RAD54B: variants seen among roughly 807,000 people sequenced by gnomAD.
RAD54B encodes RAD54 homolog B.
In RAD54B, 78 loss-of-function variants were observed where a neutral mutation model predicts 95.8. The ratio of observed to expected loss-of-function variants is 0.81; its 90% CI spans 0.68 to 0.98. RAD54B has a LOEUF of 0.98. RAD54B is among the 50% of genes least tolerant of loss of function. The pLI is 0.00. For synonymous variants in RAD54B, 328 were observed against 354.9 expected (o/e 0.92, Z 0.85); for missense variants, 957 against 1,056.6 (o/e 0.91, Z 1.31).
chr8:94,432,317 C>T, intron 3 of RAD54B: 1 of 1,550,310 alleles, frequency 6.5e-7, no homozygotes, highest in Non-Finnish European at 8.7e-7. Context: ...CCTCTTTCAA[C>T]ATTTGCAGGA....
chr8:94,380,465 A>C lies in RAD54B; in HGVS notation c.1986-59T>G. 2.7e-6 allele frequency: 4 copies of C among 1,482,518 alleles called. No individual in the cohort carries two copies. The South Asian group carries it at 5.4e-5, about 20-fold the overall frequency. 91.8% of individuals were successfully genotyped at this position (1,482,518 alleles called of 1,614,324 possible). On this transcript the variant is annotated intron_variant, in intron 11 of 14. Coordinates refer to ENST00000336148, the MANE Select transcript of RAD54B (RefSeq NM_012415.3). ...TTTAAAGGCAGCATTAGATTTTCTT[A>C]GTTGAAAGAAAATACCACAATAATA...
chr8:94,424,829 A>G (rs1479569677), intron 3 of RAD54B, among the ~76,000 whole-genome samples: 1 of 152,156 alleles, frequency 6.6e-6, no homozygotes, highest in Non-Finnish European at 1.5e-5. Context: ...TGCGGGGCCA[A>G]GGTGAGAGAA....
chr8:94,466,421 T>TGG (rs1206747469), intron 2 of RAD54B, among the ~76,000 whole-genome samples: 9 of 150,612 alleles, frequency 6.0e-5, no homozygotes, highest in Admixed American at 6.6e-5. Flanking sequence ...TTTTTTTTTT[T>TGG]GGGGGGGACG....
At chr8:94,436,638 T>C (rs1206693854) in intron 3 of RAD54B, 4 of 1,550,558 alleles carry the variant, frequency 2.6e-6, no homozygotes, top group Non-Finnish European at 3.5e-6. Context: ...GTTTGGCATA[T>C]TCTTTGAGCC....
At chr8:94,435,586 G>T (rs966053420) in intron 3 of RAD54B, among the ~76,000 whole-genome samples, 1 of 152,022 alleles carries the variant, frequency 6.6e-6, no homozygotes, top group African/African-American at 2.4e-5. Context: ...TAAGAATGTA[G>T]CTGCCATTTT....
intron 1 of RAD54B, among the ~76,000 whole-genome samples, chr8:94,472,365 A>G (rs940721880): frequency 2.2e-4 from 33 of 152,238 alleles, no homozygotes; most frequent in African/African-American, 4.1e-4. Flanking sequence ...TAACTGTCAC[A>G]GGACGACATG....
intron 3 of RAD54B, among the ~76,000 whole-genome samples, chr8:94,457,767 T>C (rs899162618): frequency 7.9e-5 from 12 of 152,196 alleles, no homozygotes; most frequent in Non-Finnish European, 1.8e-4. Flanking sequence ...CTCTTACATA[T>C]ACAAAAAGAA....
intron 3 of RAD54B, among the ~76,000 whole-genome samples, chr8:94,425,089 G>A (rs1811911922): frequency 6.9e-6 from 1 of 144,208 alleles, no homozygotes; most frequent in Non-Finnish European, 1.5e-5. Context: ...AAATTCATAA[G>A]GGCATGTTTT....
At chr8:94,449,915 G>A (rs1053462492) in intron 3 of RAD54B, among the ~76,000 whole-genome samples, 4 of 152,078 alleles carry the variant, frequency 2.6e-5, no homozygotes, top group Non-Finnish European at 4.4e-5. Flanking sequence ...ATTAGTTAGG[G>A]GAGAATTATC....
At chr8:94,390,331 C>T (rs1033010256) in intron 10 of RAD54B, among the ~76,000 whole-genome samples, 3 of 151,220 alleles carry the variant, frequency 2.0e-5, no homozygotes, top group African/African-American at 7.3e-5. Flanking sequence ...AAAACCCCGT[C>T]TCTACTAAAA....
At chr8:94,432,779 T>A in intron 3 of RAD54B, 1 of 1,234,638 alleles carries the variant, frequency 8.1e-7, no homozygotes, top group Non-Finnish European at 1.0e-6. Context: ...AGTTACAAAA[T>A]AAAAAAAAAT....
At chr8:94,384,887 G>T (rs147183262) in intron 11 of RAD54B, among the ~76,000 whole-genome samples, 1 of 152,132 alleles carries the variant, frequency 6.6e-6, no homozygotes, top group Non-Finnish European at 1.5e-5. Context: ...CAGATTGCTT[G>T]AACTCAGGAG....
At chr8:94,442,570 G>A (rs545634320) in intron 3 of RAD54B, among the ~76,000 whole-genome samples, 37 of 132,332 alleles carry the variant, frequency 2.8e-4, no homozygotes, top group Middle Eastern at 4.0e-3. Context: ...GCGAGACTCT[G>A]TCTCAGAAAA....
intron 6 of RAD54B, among the ~76,000 whole-genome samples, chr8:94,402,251 CTTTTTT>C (rs145064709): frequency 6.9e-6 from 1 of 143,914 alleles, no homozygotes; most frequent in South Asian, 2.2e-4. Flanking sequence ...TGCTATTTTT[CTTTTTT>C]TTTTTTTTCC....
Position 94,407,736 on chromosome 8 carries a change from G to A in RAD54B, c.500-16C>T. 6.3e-7 allele frequency: 1 copy of A among 1,593,600 alleles called. No individual in the cohort carries two copies. The highest frequency in any genetic ancestry group is 1.4e-5 in the African/African-American group (1 of 73,914). ...TAACCAATGCCTTTAAGTTAAGAAA[G>A]AAAAAAATTAATTGACACTCTATGA... On this transcript the variant is annotated splice_polypyrimidine_tract_variant and intron_variant, in intron 4 of 14. Transcript: ENST00000336148.
intron 2 of RAD54B, among the ~76,000 whole-genome samples, chr8:94,462,296 A>ATACT (rs1224510917): frequency 1.3e-5 from 2 of 152,178 alleles, no homozygotes; most frequent in Admixed American, 1.3e-4. Context: ...TTGTGAGGAG[A>ATACT]TACTTGAATA....
chr8:94,467,873 G>A (rs1813069751), intron 1 of RAD54B: 1 of 176,478 alleles, frequency 5.7e-6, no homozygotes, highest in South Asian at 1.7e-4. Context: ...ATATGTCCTT[G>A]AGTTGTTTTT....
At chr8:94,375,298 T>C (rs956509530) in intron 14 of RAD54B, among the ~76,000 whole-genome samples, 7 of 152,224 alleles carry the variant, frequency 4.6e-5, no homozygotes, top group Non-Finnish European at 8.8e-5. Flanking sequence ...CCAAATCTCA[T>C]CTTGCAGCTC....
chr8:94,442,469 G>A (rs982470098), intron 3 of RAD54B, among the ~76,000 whole-genome samples: 2 of 151,892 alleles, frequency 1.3e-5, no homozygotes, highest in African/African-American at 4.8e-5. Flanking sequence ...CAGCTACTCG[G>A]GAGGCTGAAG....
Sources: gnomAD v4.1 joint callset for allele counts (sites outside exome capture counted in the v4.1 genomes callset) on GRCh38, gnomAD v4.1.1 for gene constraint, MANE v1.5 for transcripts, NCBI Gene and HGNC (gene_info 2026-07-23, HGNC 2026-07-21) for gene names.